The following ABCD4 variants were observed in gnomAD, a reference collection of about 807,000 sequenced individuals.
The protein encoded by ABCD4 is lysosomal cobalamin transporter ABCD4.
ABCD4 carries 53 observed loss-of-function variants against 86.3 expected under a neutral mutation model. That is an observed-to-expected ratio of 0.61 (90% CI 0.49 to 0.77). The LOEUF (loss-of-function observed/expected upper bound fraction) is 0.77. Ranked by LOEUF, ABCD4 falls within the 30% of genes least tolerant of loss-of-function variation. The probability of loss-of-function intolerance (pLI) is 0.00; values close to 1 mark genes in which losing one functional copy is unlikely to be tolerated. For missense variants in ABCD4, 757 were observed against 764.5 expected (o/e 0.99, Z 0.12); for synonymous variants, 328 against 313.6 (o/e 1.05, Z -0.49).
intron 1 of ABCD4, among the ~76,000 whole-genome samples, chr14:74,301,330 T>C (rs1020732651): frequency 1.3e-5 from 2 of 151,830 alleles, no homozygotes; most frequent in African/African-American, 4.8e-5. Context: ...CAGCTAATTT[T>C]TGTATTTTTG....
Position 74,290,494 on chromosome 14 carries a change from G to T in ABCD4, c.1124C>A (p.Pro375Gln). Reference sequence around the variant, plus strand: ...TGCTGGCTCTGCCGCTGGCCACCCTGGGGGTCTGTGTCAGAGAAGAGAGGG... The same window carrying T: ...TGCTGGCTCTGCCGCTGGCCACCCTTGGGGTCTGTGTCAGAGAAGAGAGGG... Reference protein sequence around the residue: ...GESEWGLDTPPGWPAAEPADT... With the variant: ...GESEWGLDTPQGWPAAEPADT... Residue 375 changes from proline (P) to glutamine (Q), a missense_variant, in exon 12 of 19, where the codon CCA becomes CAA. Pro to Gln is a moderately conservative substitution (Grantham distance 76, BLOSUM62 -1). Transcript: ENST00000356924. 6 of 1,612,690 alleles carry T rather than the reference G, an allele frequency of 3.7e-6. No individual in the cohort carries two copies. Among genetic ancestry groups the T allele is most frequent in the Non-Finnish European group, 5.1e-6 (6 of 1,179,940 alleles).
chr14:74,296,066 C>T (rs1367018377), intron 5 of ABCD4, 87 bp from the exon 6 acceptor site: 1 of 1,504,214 alleles, frequency 6.6e-7, no homozygotes, highest in African/African-American at 1.4e-5. Flanking sequence ...TGTTCCCTCT[C>T]AGGTAGCCCC....
In ABCD4 at chr14:74,289,969, C is replaced by G. The variant is rs111524952; in HGVS notation, c.1419+58G>C. ...GAGACTTGTCACAGTGCCAGAGGTC[C>G]CAGCTGTGGGTGGGCGGGGTTGAGG... On this transcript the variant is annotated intron_variant, in intron 13 of 18. Coordinates refer to ENST00000356924, the MANE Select transcript of ABCD4 (RefSeq NM_005050.4). The G allele has an allele frequency of 1.7e-3, 2,723 of 1,611,566 alleles. 45 individuals carry two copies. The African/African-American group carries it at 0.032, about 19-fold the overall frequency.
rs779322036 is a variant in ABCD4, at chr14:74,287,901, G to A, written c.1560-15C>T. On this transcript the variant is annotated splice_polypyrimidine_tract_variant and intron_variant, in intron 16 of 18. Coordinates refer to ENST00000356924, the MANE Select transcript of ABCD4 (RefSeq NM_005050.4). Reference sequence around the variant, plus strand: ...GAACATCATACCTGAGGAAAGGTAGGAGAGAGGACTGCTAGAGGAGGAAGA... The same window carrying A: ...GAACATCATACCTGAGGAAAGGTAGAAGAGAGGACTGCTAGAGGAGGAAGA... 3 of 1,606,330 alleles carry A rather than the reference G, an allele frequency of 1.9e-6. No homozygotes were observed. In the African/African-American group the frequency reaches 4.0e-5, roughly 22 times the overall value.
intron 14 of ABCD4, chr14:74,289,172 G>T: frequency 7.9e-7 from 1 of 1,267,744 alleles, no homozygotes; most frequent in Non-Finnish European, 9.9e-7. Flanking sequence ...TGATGCAGGG[G>T]TGGGGGCCTC....
intron 3 of ABCD4, among the ~76,000 whole-genome samples, chr14:74,298,503 T>A (rs955818055): frequency 7.9e-5 from 12 of 152,144 alleles, no homozygotes; most frequent in Non-Finnish European, 1.6e-4. Flanking sequence ...ACTCCCGACC[T>A]CAGGTGATCC....
intron 7 of ABCD4, 93 bp downstream of exon 7, chr14:74,295,055 A>G: frequency 6.7e-7 from 1 of 1,485,598 alleles, no homozygotes; most frequent in Non-Finnish European, 9.4e-7. Context: ...TCAGCCCCTG[A>G]GCTCGGTGGT....
At chr14:74,299,416 T>C (rs2083722319) in intron 3 of ABCD4, 132 bp downstream of exon 3, 2 of 1,173,664 alleles carry the variant, frequency 1.7e-6, no homozygotes, top group African/African-American at 1.5e-5. Context: ...ACTATCCCTT[T>C]AGTTCCCAGA....
In ABCD4 at chr14:74,292,922, C is replaced by T. The variant is rs138314552; in HGVS notation, c.815-53G>A. Reference sequence around the variant, plus strand: ...CAGGAACCATCCACATGCCCTACAGCGGACACAACCCTAAGACAGGGAGCA... The same window carrying T: ...CAGGAACCATCCACATGCCCTACAGTGGACACAACCCTAAGACAGGGAGCA... On this transcript the variant is annotated intron_variant, in intron 8 of 18. Transcript: ENST00000356924. 4.7e-3 allele frequency: 7,649 copies of T among 1,611,130 alleles called. 31 individuals are homozygous for T. Among genetic ancestry groups the T allele is most frequent in the Middle Eastern group, 6.6e-3 (40 of 6,050 alleles).
intron 17 of ABCD4, among the ~76,000 whole-genome samples, 153 bp downstream of exon 17, chr14:74,287,657 T>C (rs556558950): frequency 9.9e-5 from 15 of 152,246 alleles, no homozygotes; most frequent in African/African-American, 2.6e-4. Context: ...TGCCAGGCAC[T>C]GTTTACACGG....
At position 74,286,689 on chromosome 14, in the gene ABCD4, G is replaced by A; in HGVS notation, c.1752+12C>T. ...TTTCTCCTCCTCAGGCCATCCTTGT[G>A]AGCACGGGTACCTTCTCAAGGCTCT... On this transcript the variant is annotated intron_variant, in intron 18 of 18. Coordinates refer to ENST00000356924, the MANE Select transcript of ABCD4 (RefSeq NM_005050.4). 1 of 1,614,012 alleles carries A rather than the reference G, an allele frequency of 6.2e-7. No individual in the cohort carries two copies. The highest frequency in any genetic ancestry group is 1.1e-5 in the South Asian group (1 of 91,078).
At chr14:74,300,606 A>C (rs1279456478) in intron 1 of ABCD4, among the ~76,000 whole-genome samples, 2 of 151,896 alleles carry the variant, frequency 1.3e-5, no homozygotes, top group African/African-American at 4.8e-5. Context: ...AAAAAAAAAA[A>C]AAACCAAAAA....
intron 13 of ABCD4, 175 bp downstream of exon 13, chr14:74,289,852 A>G (rs2080977418): frequency 2.8e-6 from 4 of 1,453,658 alleles, no homozygotes; most frequent in African/African-American, 2.9e-5. Flanking sequence ...AGTGGGCCCA[A>G]TCCATGGATG....
chr14:74,292,217 C>T, intron 11 of ABCD4, 70 bp downstream of exon 11: 9 of 1,492,728 alleles, frequency 6.0e-6, no homozygotes, highest in Non-Finnish European at 8.4e-6. Context: ...GGCAGGACTC[C>T]AGGGTAACCC....
chr14:74,292,174 ACTC>A, intron 11 of ABCD4, 110 bp downstream of exon 11: 1 of 929,182 alleles, frequency 1.1e-6, no homozygotes, highest in East Asian at 2.4e-5. Flanking sequence ...ATTTCCATTT[ACTC>A]CTTACAACTC....
chr14:74,292,570 C>T lies in ABCD4; in HGVS notation c.1009G>A (p.Val337Met). 6.2e-7 allele frequency: 1 copy of T among 1,614,052 alleles called. No individual in the cohort carries two copies. ...LIDLSTTLSDVAGYTHRIGQL... is the reference protein window; with the variant it reads ...LIDLSTTLSDMAGYTHRIGQL... ...CCTCACCTGTGCGTGTAGCCAGCCA[C>T]ATCTGAGAGCGTCGTGGACAGGTCG... The change falls in exon 10 of 19, where the codon GTG becomes ATG. Residue 337 changes from valine (V) to methionine (M), a missense_variant. Val to Met is a conservative substitution (Grantham distance 21, BLOSUM62 1). Transcript: ENST00000356924.
chr14:74,297,590 G>T, intron 4 of ABCD4: 1 of 420,568 alleles, frequency 2.4e-6, no homozygotes, highest in Non-Finnish European at 3.2e-6. Context: ...GGGGGTTTCT[G>T]CTATGTTGCC....
At position 74,286,758 on chromosome 14, in the gene ABCD4, G is replaced by C. The variant is rs752539651; in HGVS notation, c.1695C>G (p.Ile565Met). The C allele has an allele frequency of 1.2e-6, 2 of 1,614,102 alleles. No homozygotes were observed. The highest frequency in any genetic ancestry group is 2.2e-5 in the South Asian group (2 of 91,088). Residue 565 changes from isoleucine (I) to methionine (M), a missense_variant, in exon 18 of 19, where the codon ATC (isoleucine) becomes ATG (methionine). Ile to Met is a conservative substitution (Grantham distance 10). Transcript: ENST00000356924. ...TGAACGTCATCCCCAGCTGCTGGCC[G>C]ATGCGATAGAGCTCGCTCTCCACTT... ...TEEVESELYR[I>M]GQQLGMTFIS...
At chr14:74,289,005 A>T (rs1045364584) in intron 14 of ABCD4, 2 of 917,262 alleles carry the variant, frequency 2.2e-6, no homozygotes, top group Non-Finnish European at 3.0e-6. Flanking sequence ...CCAGCTACGG[A>T]AGAGGCTGAG....
Sources: allele counts gnomAD v4.1 joint callset (sites outside exome capture counted in the v4.1 genomes callset), GRCh38; gene constraint gnomAD v4.1.1; transcripts MANE v1.5; gene names NCBI Gene and HGNC (gene_info 2026-07-23, HGNC 2026-07-21).